Variants in VPS41 observed in about 807,000 individuals in gnomAD.
VPS41 encodes the protein vacuolar protein sorting-associated protein 41 homolog.
A neutral mutation model predicts 130.9 loss-of-function variants in VPS41; 85 were observed. The ratio of observed to expected loss-of-function variants is 0.65; its 90% CI spans 0.55 to 0.78. The LOEUF (loss-of-function observed/expected upper bound fraction) is 0.78, where lower values mean the gene tolerates loss of function less well. VPS41 is among the 30% of genes least tolerant of loss of function. The probability of loss-of-function intolerance (pLI) is 0.00; values close to 1 mark genes in which losing one functional copy is unlikely to be tolerated. For synonymous variants in VPS41, 335 were observed against 332.9 expected (o/e 1.01, Z -0.07); for missense variants, 874 against 1,018.7 (o/e 0.86, Z 1.93).
At chr7:38,857,544 CA>C (rs1264524635) in intron 4 of VPS41, among the ~76,000 whole-genome samples, 1 of 152,186 alleles carries the variant, frequency 6.6e-6, no homozygotes, top group Non-Finnish European at 1.5e-5. Context: ...ACTGCTTCAA[CA>C]TAAGTACCCT....
chr7:38,840,070 C>T (rs2116218096), intron 4 of VPS41, among the ~76,000 whole-genome samples: 1 of 152,268 alleles, frequency 6.6e-6, no homozygotes, highest in South Asian at 2.1e-4. Context: ...TAACTGCTCT[C>T]CCTAAGGTTG....
chr7:38,802,283 T>C (rs1010767965), intron 7 of VPS41, among the ~76,000 whole-genome samples: 1 of 152,202 alleles, frequency 6.6e-6, no homozygotes, highest in Non-Finnish European at 1.5e-5. Context: ...CAGCGCCTAC[T>C]TCTCCAGGCT....
intron 10 of VPS41, among the ~76,000 whole-genome samples, chr7:38,784,600 A>G (rs116387639): frequency 0.023 from 3,356 of 148,622 alleles, 53 homozygotes; most frequent in African/African-American, 0.047. Flanking sequence ...ATGCCACTGC[A>G]CTAAAGCCTG....
chr7:38,906,764 C>A (rs1472617561), intron 1 of VPS41, among the ~76,000 whole-genome samples: 2 of 152,074 alleles, frequency 1.3e-5, no homozygotes, highest in African/African-American at 4.8e-5. Context: ...ATGGAAAGGG[C>A]TAATTCTACT....
chr7:38,789,636 G>A (rs1370777008), intron 10 of VPS41, among the ~76,000 whole-genome samples, 165 bp downstream of exon 10: 1 of 152,194 alleles, frequency 6.6e-6, no homozygotes, highest in East Asian at 1.9e-4. Context: ...TTTGACAGCA[G>A]TGGGGACAGC....
At chr7:38,848,088 A>C (rs1371402800) in intron 4 of VPS41, among the ~76,000 whole-genome samples, 1 of 152,218 alleles carries the variant, frequency 6.6e-6, no homozygotes, top group African/African-American at 2.4e-5. Context: ...GTGTAAAAAC[A>C]CTGCTTTATC....
At chr7:38,835,084 C>T (rs915219738) in intron 4 of VPS41, among the ~76,000 whole-genome samples, 1 of 151,924 alleles carries the variant, frequency 6.6e-6, no homozygotes, top group African/African-American at 2.4e-5. Flanking sequence ...GTAGGTACTA[C>T]TACTTTTCCT....
intron 7 of VPS41, among the ~76,000 whole-genome samples, chr7:38,803,871 AC>A (rs1173142444): frequency 6.6e-6 from 1 of 152,226 alleles, no homozygotes; most frequent in African/African-American, 2.4e-5. Context: ...AAAGTTTCAA[AC>A]ACGCAGCTTC....
chr7:38,843,989 TA>T (rs1176549914), intron 4 of VPS41, among the ~76,000 whole-genome samples: 3 of 152,254 alleles, frequency 2.0e-5, no homozygotes, highest in African/African-American at 7.2e-5. Context: ...TTTATACTTT[TA>T]AAAGTTCACC....
chr7:38,869,141 CT>C lies in VPS41; in HGVS notation c.168+4del. 6.4e-7 allele frequency: 1 copy of C among 1,553,558 alleles called. No individual in the cohort carries two copies. Among genetic ancestry groups the C allele is most frequent in the South Asian group, 1.2e-5 (1 of 83,310 alleles). On this transcript the variant is annotated splice_donor_region_variant and intron_variant, in intron 3 of 28. Coordinates refer to ENST00000310301, the MANE Select transcript of VPS41 (RefSeq NM_014396.4). ...CAGAAGAATCCTCTGAAAGTGCTAT[CT>C]TACCTTGTCATGGACTGTCATGCAG... is the stretch of plus-strand genomic sequence containing the variant.
chr7:38,735,499 CTGTG>C (rs942749454), intron 25 of VPS41, among the ~76,000 whole-genome samples: 2 of 151,752 alleles, frequency 1.3e-5, no homozygotes, highest in East Asian at 3.9e-4. Flanking sequence ...GTGTGTGTCT[CTGTG>C]TGTGTACATG....
intron 7 of VPS41, among the ~76,000 whole-genome samples, chr7:38,804,501 C>A (rs1784800671): frequency 6.6e-6 from 1 of 152,220 alleles, no homozygotes; most frequent in Non-Finnish European, 1.5e-5. Context: ...TTCTGCGAAA[C>A]CTATATAGAC....
intron 28 of VPS41, 27 bp from the exon 29 acceptor site, chr7:38,726,353 T>C: frequency 6.4e-7 from 1 of 1,562,720 alleles, no homozygotes; most frequent in African/African-American, 1.4e-5. Flanking sequence ...AAAACACATA[T>C]TTAAAAAATG....
At chr7:38,730,327 T>C (rs1178485423) in intron 25 of VPS41, among the ~76,000 whole-genome samples, 2 of 152,214 alleles carry the variant, frequency 1.3e-5, no homozygotes, top group African/African-American at 2.4e-5. Context: ...GTGGTCCACG[T>C]GTTCCTCTGA....
chr7:38,727,091 T>A, intron 27 of VPS41, 103 bp from the exon 28 acceptor site: 1 of 1,118,518 alleles, frequency 8.9e-7, no homozygotes, highest in East Asian at 3.0e-5. Flanking sequence ...TTTTCAGCAA[T>A]AAGGTGCCTT....
At position 38,726,132 on chromosome 7, in the gene VPS41, A is replaced by G. The variant is rs925517375; in HGVS notation, c.*114T>C. The G allele has an allele frequency of 2.4e-5, 17 of 701,462 alleles. No homozygotes were observed. Among genetic ancestry groups the G allele is most frequent in the Non-Finnish European group, 4.2e-5 (17 of 400,446 alleles). 43.5% of individuals were successfully genotyped at this position (701,462 alleles called of 1,614,324 possible). A position where few individuals can be genotyped will look rare whatever the true frequency, so the allele number is the denominator to read the frequency against. On this transcript the variant is annotated 3_prime_UTR_variant, in exon 29 of 29. Transcript: ENST00000310301. Reference sequence around the variant, plus strand: ...ATAGATGAAGAAATTGTTTTTGAGTATAATATAAACATAAACAAATCTCTT... The same window carrying G: ...ATAGATGAAGAAATTGTTTTTGAGTGTAATATAAACATAAACAAATCTCTT...
At chr7:38,831,149 T>C (rs1411061079) in intron 4 of VPS41, 1 of 467,508 alleles carries the variant, frequency 2.1e-6, no homozygotes, top group Non-Finnish European at 4.4e-6. Context: ...TATTCAGATC[T>C]TGAGTTCATC....
intron 23 of VPS41, among the ~76,000 whole-genome samples, chr7:38,744,312 A>T (rs1013481467): frequency 1.3e-5 from 2 of 152,138 alleles, no homozygotes; most frequent in African/African-American, 4.8e-5. Context: ...GTAGGTTGTC[A>T]CCCTTACCCC....
At position 38,725,877 on chromosome 7, in the gene VPS41, G is replaced by GA; in HGVS notation, c.*368dup. The stretch of plus-strand genomic sequence containing the variant: ...AGCTTGCAGGATAACCACAGTTGGC[G>GA]ACGCTTTCAGGCAGCTGGGAGAATT... On this transcript the variant is annotated 3_prime_UTR_variant, in exon 29 of 29. Coordinates refer to ENST00000310301, the MANE Select transcript of VPS41 (RefSeq NM_014396.4). 1 of 163,758 alleles carries GA rather than the reference G, an allele frequency of 6.1e-6. No homozygotes were observed. The highest frequency in any genetic ancestry group is 1.7e-4 in the East Asian group (1 of 5,828). The allele number at this position is 163,758 out of a possible 1,614,324, so 10.1% of individuals were successfully genotyped here.
Sources: allele counts gnomAD v4.1 joint callset (sites outside exome capture counted in the v4.1 genomes callset), GRCh38; gene constraint gnomAD v4.1.1; transcripts MANE v1.5; gene names NCBI Gene and HGNC (gene_info 2026-07-23, HGNC 2026-07-21).